Variants in PDGFC observed in about 807,000 individuals in gnomAD.
PDGFC encodes platelet-derived growth factor C.
Under a neutral mutation model 35.5 loss-of-function variants are expected in PDGFC, and 12 were observed. The observed-to-expected ratio is 0.34, with a 90% CI of 0.22 to 0.55. PDGFC has a LOEUF of 0.55. Among genes scored for constraint, PDGFC ranks in the 20% least tolerant of loss-of-function variants. PDGFC has a pLI of 0.91. For synonymous variants in PDGFC, 159 were observed against 148.8 expected (o/e 1.07, Z -0.50); for missense variants, 322 against 412.4 (o/e 0.78, Z 1.90).
At chr4:156,778,789 T>G (rs746368145) in intron 3 of PDGFC, among the ~76,000 whole-genome samples, 1 of 152,190 alleles carries the variant, frequency 6.6e-6, no homozygotes, top group Non-Finnish European at 1.5e-5. Flanking sequence ...TTACCTTGAG[T>G]AGCATAGCAA....
At chr4:156,806,058 T>C (rs971259889) in intron 3 of PDGFC, among the ~76,000 whole-genome samples, 6 of 152,124 alleles carry the variant, frequency 3.9e-5, no homozygotes, top group Non-Finnish European at 8.8e-5. Context: ...TATACTATAT[T>C]ATTAATCTTT....
intron 1 of PDGFC, among the ~76,000 whole-genome samples, chr4:156,879,191 G>A (rs1236073007): frequency 6.6e-6 from 1 of 152,090 alleles, no homozygotes; most frequent in East Asian, 1.9e-4. Flanking sequence ...AAATTTAACA[G>A]TTAAATCAAT....
intron 2 of PDGFC, among the ~76,000 whole-genome samples, chr4:156,842,581 CA>C (rs1302866934): frequency 1.3e-5 from 2 of 152,054 alleles, no homozygotes; most frequent in Non-Finnish European, 2.9e-5. Flanking sequence ...TGTTCTGCAA[CA>C]AAACCATTTC....
chr4:156,810,361 T>A (rs9996191), intron 3 of PDGFC, among the ~76,000 whole-genome samples: 17,482 of 151,864 alleles, frequency 0.12, 1,321 homozygotes, highest in African/African-American at 0.2. Context: ...AAATTCACAA[T>A]TTATAACATA....
At chr4:156,829,976 A>G (rs1408542185) in intron 2 of PDGFC, among the ~76,000 whole-genome samples, 1 of 152,124 alleles carries the variant, frequency 6.6e-6, no homozygotes, top group African/African-American at 2.4e-5. Context: ...GTACTACTTC[A>G]CTAATTTAAT....
At chr4:156,944,323 T>C (rs1266311613) in intron 1 of PDGFC, among the ~76,000 whole-genome samples, 1 of 152,122 alleles carries the variant, frequency 6.6e-6, no homozygotes, top group Non-Finnish European at 1.5e-5. Flanking sequence ...CTAAATGGAA[T>C]TCTTTATTCT....
intron 5 of PDGFC, among the ~76,000 whole-genome samples, chr4:156,764,326 T>G (rs1361949114): frequency 6.6e-6 from 1 of 152,178 alleles, no homozygotes; most frequent in Non-Finnish European, 1.5e-5. Flanking sequence ...TTAGCTAACA[T>G]TTTTTGAATG....
At chr4:156,942,732 GTATAAT>G (rs1452457343) in intron 1 of PDGFC, among the ~76,000 whole-genome samples, 1 of 148,054 alleles carries the variant, frequency 6.8e-6, no homozygotes, top group African/African-American at 2.5e-5. Context: ...AATTATATAT[GTATAAT>G]TATAATTATA....
intron 4 of PDGFC, among the ~76,000 whole-genome samples, 157 bp from the exon 5 acceptor site, chr4:156,768,147 C>T (rs1158423296): frequency 1.3e-5 from 2 of 152,034 alleles, no homozygotes; most frequent in African/African-American, 4.8e-5. Context: ...TAGAGATATA[C>T]AACTACAAAT....
At chr4:156,908,411 A>G (rs970945747) in intron 1 of PDGFC, among the ~76,000 whole-genome samples, 1 of 152,090 alleles carries the variant, frequency 6.6e-6, no homozygotes, top group African/African-American at 2.4e-5. Flanking sequence ...ATAAATATTT[A>G]TTTCAATCTA....
rs2110770171 is a variant in PDGFC at position 156,760,667 on chromosome 4, A to T, written c.*2423T>A. The T allele has an allele frequency of 6.6e-6, 1 of 152,224 alleles. No individual in the cohort carries two copies. Among genetic ancestry groups the T allele is most frequent in the South Asian group, 2.1e-4 (1 of 4,816 alleles). 9.4% of individuals were successfully genotyped at this position (152,224 alleles called of 1,614,324 possible). ...AGTAAAATACACAGGACGATCTATG[A>T]GTAAGTGATTATAAAGTGGTTAGTC... On this transcript the variant is annotated 3_prime_UTR_variant, in exon 6 of 6. Coordinates refer to ENST00000502773, the MANE Select transcript of PDGFC (RefSeq NM_016205.3).
chr4:156,971,435 G>A lies in PDGFC; in HGVS notation c.-532C>T, dbSNP rs531122723. 1.1e-5 allele frequency: 4 copies of A among 370,122 alleles called. No homozygotes were observed. Among genetic ancestry groups the A allele is most frequent in the Middle Eastern group, 7.0e-4 (1 of 1,420 alleles). The allele number at this position is 370,122 out of a possible 1,614,324, so 22.9% of individuals were successfully genotyped here. On this transcript the variant is annotated 5_prime_UTR_variant, in exon 1 of 6. Transcript: ENST00000502773. The stretch of plus-strand genomic sequence containing the variant: ...CCCACCCCCCACCCCCGAAGGGGGA[G>A]GGGGAAGAAACAAGGCGAGGGCGCC...
chr4:156,927,102 A>G (rs937911413), intron 1 of PDGFC, among the ~76,000 whole-genome samples: 1 of 152,180 alleles, frequency 6.6e-6, no homozygotes, highest in Non-Finnish European at 1.5e-5. Flanking sequence ...TTCTGAAACC[A>G]TGGGACAAGC....
At chr4:156,885,382 C>A (rs1730351729) in intron 1 of PDGFC, among the ~76,000 whole-genome samples, 1 of 152,016 alleles carries the variant, frequency 6.6e-6, no homozygotes. Flanking sequence ...ATACACTGAT[C>A]AATGAAAATG....
chr4:156,967,707 C>G (rs1046347417), intron 1 of PDGFC: 2 of 152,054 alleles, frequency 1.3e-5, no homozygotes, highest in Non-Finnish European at 2.9e-5. Context: ...TCAGAAGCAC[C>G]GTCCCAGAAC....
intron 1 of PDGFC, among the ~76,000 whole-genome samples, chr4:156,856,714 A>G (rs1269587368): frequency 1.3e-5 from 2 of 152,124 alleles, no homozygotes; most frequent in Admixed American, 6.6e-5. Context: ...ACAATTTTAC[A>G]TATCACTTCA....
At chr4:156,965,287 A>G (rs1216408504) in intron 1 of PDGFC, among the ~76,000 whole-genome samples, 1 of 152,084 alleles carries the variant, frequency 6.6e-6, no homozygotes, top group African/African-American at 2.4e-5. Flanking sequence ...CTTTCAACAG[A>G]TACTCATCGG....
chr4:156,762,879 C>T lies in PDGFC; in HGVS notation c.*211G>A. ...CTTTCCACGATTGAAGACCTTTTCT[C>T]CTGTCCTTTAGGCCTCCTCTCAAAA... On this transcript the variant is annotated 3_prime_UTR_variant, in exon 6 of 6. Transcript: ENST00000502773. The T allele has an allele frequency of 2.1e-6, 1 of 486,840 alleles. No homozygotes were observed. 30.2% of individuals were successfully genotyped at this position (486,840 alleles called of 1,614,324 possible).
intron 2 of PDGFC, among the ~76,000 whole-genome samples, chr4:156,830,269 T>C (rs138569322): frequency 2.0e-5 from 3 of 150,978 alleles, no homozygotes; most frequent in Admixed American, 6.6e-5. Flanking sequence ...AAAAACTTCA[T>C]GTCCTCAGAC....
Sources: allele counts gnomAD v4.1 joint callset (sites outside exome capture counted in the v4.1 genomes callset), GRCh38; gene constraint gnomAD v4.1.1; transcripts MANE v1.5; gene names NCBI Gene and HGNC (gene_info 2026-07-23, HGNC 2026-07-21).